The following RBFOX1 variants were observed in gnomAD, a reference collection of about 807,000 sequenced individuals.
RBFOX1 encodes the protein RNA binding fox-1 homolog 1, also known as RNA binding protein fox-1 homolog 1.
Under a neutral mutation model 57.7 loss-of-function variants are expected in RBFOX1, and 8 were observed. The observed-to-expected ratio is 0.14, with a 90% CI of 0.08 to 0.25. RBFOX1 has a LOEUF of 0.25. RBFOX1 is among the 10% of genes least tolerant of loss of function. The probability of loss-of-function intolerance (pLI) is 1.00; values close to 1 mark genes in which losing one functional copy is unlikely to be tolerated. For missense variants in RBFOX1, 611 were observed against 548.5 expected (o/e 1.11, Z -1.14); for synonymous variants, 326 against 222.4 (o/e 1.47, Z -4.15).
intron 4 of RBFOX1, among the ~76,000 whole-genome samples, chr16:7,380,804 A>T (rs1013273831): frequency 3.3e-5 from 5 of 152,242 alleles, no homozygotes; most frequent in African/African-American, 2.4e-5. Flanking sequence ...AAAATCCCTA[A>T]TGAGAAATTC....
At chr16:7,605,151 G>A (rs994688695) in intron 9 of RBFOX1, among the ~76,000 whole-genome samples, 1 of 152,044 alleles carries the variant, frequency 6.6e-6, no homozygotes, top group Non-Finnish European at 1.5e-5. Context: ...CATATCCTCA[G>A]GAATTAGACT....
chr16:7,288,249 A>G (rs1191562718), intron 4 of RBFOX1, among the ~76,000 whole-genome samples: 1 of 152,200 alleles, frequency 6.6e-6, no homozygotes, highest in Admixed American at 6.5e-5. Flanking sequence ...ACTCTCAGAG[A>G]ACTCTCACAT....
chr16:6,712,026 A>C (rs1273491218), intron 3 of RBFOX1, among the ~76,000 whole-genome samples: 3 of 152,132 alleles, frequency 2.0e-5, no homozygotes, highest in Admixed American at 1.3e-4. Context: ...TCTCTGTCTC[A>C]CATATACTAT....
At chr16:7,397,874 T>G in intron 4 of RBFOX1, among the ~76,000 whole-genome samples, 1 of 152,290 alleles carries the variant, frequency 6.6e-6, no homozygotes, top group East Asian at 1.9e-4. Flanking sequence ...GGAACCTTAG[T>G]TTTCTCATCT....
intron 4 of RBFOX1, among the ~76,000 whole-genome samples, chr16:5,974,406 C>G (rs547230412): frequency 2.0e-5 from 3 of 151,776 alleles, no homozygotes; most frequent in Non-Finnish European, 4.4e-5. Flanking sequence ...GTCAGGAGTT[C>G]GAGACCAGCC....
intron 3 of RBFOX1, among the ~76,000 whole-genome samples, chr16:6,687,911 A>T (rs7190683): frequency 1.3e-5 from 2 of 152,146 alleles, no homozygotes; most frequent in African/African-American, 4.8e-5. Flanking sequence ...ATTTCTCTCC[A>T]CCGTATTTTC....
chr16:5,518,958 A>G (rs1196960214), intron 2 of RBFOX1, among the ~76,000 whole-genome samples: 1 of 152,200 alleles, frequency 6.6e-6, no homozygotes, highest in African/African-American at 2.4e-5. Context: ...TAAAGAGGTA[A>G]CTAAGGTGGA....
At chr16:7,654,027 T>C (rs1467734432) in intron 12 of RBFOX1, 80 bp downstream of exon 12, 8 of 1,399,644 alleles carry the variant, frequency 5.7e-6, no homozygotes, top group East Asian at 2.6e-5. Flanking sequence ...TGCGAGCGCA[T>C]GATGGTCTTG....
chr16:5,717,934 GTCAGTTGAATGCTTGA>G (rs1347983737), intron 3 of RBFOX1, among the ~76,000 whole-genome samples: 3 of 152,160 alleles, frequency 2.0e-5, no homozygotes, highest in African/African-American at 7.2e-5. Flanking sequence ...TCTTTCTGTG[GTCAGTTGAATGCTTGA>G]TCACAGTTCT....
At chr16:7,198,300 T>C (rs1602699655) in intron 4 of RBFOX1, among the ~76,000 whole-genome samples, 1 of 152,200 alleles carries the variant, frequency 6.6e-6, no homozygotes, top group Non-Finnish European at 1.5e-5. Context: ...CCACCGCACA[T>C]GGCCAATATA....
intron 2 of RBFOX1, among the ~76,000 whole-genome samples, chr16:6,529,072 TG>T (rs2153815036): frequency 6.6e-6 from 1 of 152,258 alleles, no homozygotes; most frequent in East Asian, 1.9e-4. Context: ...AAAAACTTCT[TG>T]TAAACCGCCC....
chr16:6,655,073 C>T (rs971744672), intron 3 of RBFOX1, among the ~76,000 whole-genome samples: 1 of 151,572 alleles, frequency 6.6e-6, no homozygotes, highest in Non-Finnish European at 1.5e-5. Flanking sequence ...CTGACTCATA[C>T]ACTTGAAAAA....
intron 4 of RBFOX1, among the ~76,000 whole-genome samples, chr16:7,220,013 C>T (rs1056473414): frequency 6.6e-6 from 1 of 152,034 alleles, no homozygotes; most frequent in Non-Finnish European, 1.5e-5. Context: ...GTATCTTGTT[C>T]GATTAAGCCT....
At chr16:7,499,319 A>G (rs1386016229) in intron 4 of RBFOX1, among the ~76,000 whole-genome samples, 2 of 152,080 alleles carry the variant, frequency 1.3e-5, no homozygotes, top group East Asian at 3.9e-4. Flanking sequence ...ACACTTTCCC[A>G]TTTTATAAGA....
At chr16:5,898,058 A>G (rs988198392) in intron 4 of RBFOX1, among the ~76,000 whole-genome samples, 3 of 152,136 alleles carry the variant, frequency 2.0e-5, no homozygotes, top group Admixed American at 6.5e-5. Flanking sequence ...TTGACTGGGT[A>G]GGCCTCAGGA....
chr16:5,428,122 C>G (rs74935032), intron 1 of RBFOX1, among the ~76,000 whole-genome samples: 177 of 141,838 alleles, frequency 1.2e-3, no homozygotes, highest in East Asian at 3.6e-3. Context: ...GTGTGTGTGT[C>G]TGTGTGTGTG....
chr16:5,698,657 A>G (rs564485723), intron 3 of RBFOX1, among the ~76,000 whole-genome samples: 1 of 152,216 alleles, frequency 6.6e-6, no homozygotes, highest in Non-Finnish European at 1.5e-5. Context: ...GAATGTCTGT[A>G]GCAATACTGT....
chr16:5,847,380 A>G lies in RBFOX1; in HGVS notation c.319-19923A>G, dbSNP rs1179348641. Among the ~76,000 whole-genome samples, 8 of 150,314 alleles carry G rather than the reference A, an allele frequency of 5.3e-5. No individual in the cohort carries two copies. In the East Asian group the frequency reaches 1.6e-3, roughly 30 times the overall value. ...AAAAAAAAAATGGGGGTGGGGGGGGAATCTTAAAATAGATCCTGATTGCAT... is the reference window on the plus strand; with the variant it reads ...AAAAAAAAAATGGGGGTGGGGGGGGGATCTTAAAATAGATCCTGATTGCAT... On this transcript the variant is annotated intron_variant, in intron 3 of 19. Transcript: ENST00000641259.
At position 6,765,509 on chromosome 16, in the gene RBFOX1, A is replaced by G. The variant is rs556973816; in HGVS notation, c.-16+110859A>G. 2.7e-5 allele frequency among the ~76,000 whole-genome samples: 4 copies of G among 148,890 alleles called. No homozygotes were observed. In the South Asian group the frequency reaches 8.8e-4, roughly 33 times the overall value. ...GTTTATATAACAAACCTGCACATGT[A>G]CACCTCAACTTAAAGTTTAAGAAAA... is the stretch of plus-strand genomic sequence containing the variant. On this transcript the variant is annotated intron_variant, in intron 3 of 15. Coordinates refer to ENST00000550418, the MANE Select transcript of RBFOX1 (RefSeq NM_018723.4).
Sources: gnomAD v4.1 joint callset for allele counts (sites outside exome capture counted in the v4.1 genomes callset) on GRCh38, gnomAD v4.1.1 for gene constraint, MANE v1.5 for transcripts, NCBI Gene and HGNC (gene_info 2026-07-23, HGNC 2026-07-21) for gene names.